The following IFIT5 variants were observed in gnomAD, a reference collection of about 807,000 sequenced individuals.
The protein encoded by IFIT5 is interferon induced protein with tetratricopeptide repeats 5, also known as interferon-induced protein with tetratricopeptide repeats 5.
Under a neutral mutation model 5.0 loss-of-function variants are expected in IFIT5, and 2 were observed. The ratio of observed to expected loss-of-function variants is 0.40; its 90% CI spans 0.16 to 1.26. IFIT5 has a LOEUF of 1.26. Ranked by LOEUF, IFIT5 falls within the 50% of genes most tolerant of loss-of-function variation. IFIT5 has a pLI of 0.33. For synonymous variants in IFIT5, 206 were observed against 204.6 expected, an observed-to-expected ratio of 1.01 and a Z score of -0.06; for missense variants, 524 against 563.2, an observed-to-expected ratio of 0.93 and a Z score of 0.70.
chr10:89,415,113 C>T (rs1470101432), intron 1 of IFIT5, among the ~76,000 whole-genome samples: 6 of 152,224 alleles, frequency 3.9e-5, no homozygotes, highest in Non-Finnish European at 8.8e-5. Context: ...TGTCCCATCC[C>T]TGGCGTCTGC....
intron 1 of IFIT5, among the ~76,000 whole-genome samples, chr10:89,415,128 G>C (rs1185756942): frequency 2.0e-5 from 3 of 152,196 alleles, no homozygotes; most frequent in Admixed American, 6.5e-5. Flanking sequence ...GTCTGCGGTC[G>C]GGACTGTCAG....
chr10:89,416,266 C>A (rs1841536935), intron 1 of IFIT5, among the ~76,000 whole-genome samples: 1 of 143,668 alleles, frequency 7.0e-6, no homozygotes, highest in African/African-American at 2.7e-5. Flanking sequence ...CAGGAAGGGG[C>A]TTGACAACAA....
chr10:89,416,144 C>T (rs893913936), intron 1 of IFIT5, among the ~76,000 whole-genome samples: 9 of 151,980 alleles, frequency 5.9e-5, no homozygotes, highest in African/African-American at 1.7e-4. Flanking sequence ...GGGCTGGTCT[C>T]GAATTCCTGA....
intron 1 of IFIT5, among the ~76,000 whole-genome samples, chr10:89,415,126 T>C (rs1010003491): frequency 1.3e-5 from 2 of 152,104 alleles, no homozygotes; most frequent in Non-Finnish European, 2.9e-5. Context: ...GCGTCTGCGG[T>C]CGGGACTGTC....
chr10:89,418,044 C>T lies in IFIT5; in HGVS notation c.845C>T (p.Ser282Phe). Residue 282 changes from serine (S) to phenylalanine (F), a missense_variant, in exon 2 of 2, where the codon TCT becomes TTT. Physicochemically the swap from Ser to Phe is radical, Grantham distance 155. Transcript: ENST00000371795. Reference sequence around the variant, plus strand: ...AAGGCCTTGGAGGTGACACCAACTTCTTCTTTCCTGCATCACCAGATGGGA... The same window carrying T: ...AAGGCCTTGGAGGTGACACCAACTTTTTCTTTCCTGCATCACCAGATGGGA... ...LKKALEVTPT[S>F]SFLHHQMGLC... 1 of 1,614,220 alleles carries T rather than the reference C, an allele frequency of 6.2e-7. No individual in the cohort carries two copies. Among genetic ancestry groups the T allele is most frequent in the South Asian group, 1.1e-5 (1 of 91,088 alleles).
rs781378982 is a variant in IFIT5, at chr10:89,418,284, G to A, written c.1085G>A (p.Arg362Gln). 143 of 1,614,056 alleles carry A rather than the reference G, an allele frequency of 8.9e-5. No homozygotes were observed. Among genetic ancestry groups the A allele is most frequent in the Non-Finnish European group, 1.1e-4 (128 of 1,180,034 alleles). ...GQYSNAEDIF[R>Q]KALRLENITD... ...TATAGCAATGCTGAGGACATTTTCC[G>A]GAAAGCTCTTCGTCTGGAGAACATA... is the stretch of plus-strand genomic sequence containing the variant. The change falls in exon 2 of 2, where the codon CGG (arginine) becomes CAG (glutamine). Residue 362 changes from arginine (R) to glutamine (Q), a missense_variant. By Grantham distance (43) the Arg-to-Gln change is conservative (BLOSUM62 1). Coordinates refer to ENST00000371795, the MANE Select transcript of IFIT5 (RefSeq NM_012420.3).
Position 89,417,794 on chromosome 10 carries a change from T to A in IFIT5, c.595T>A (p.Phe199Ile). 1 of 1,614,168 alleles carries A rather than the reference T, an allele frequency of 6.2e-7. No homozygotes were observed. The highest frequency in any genetic ancestry group is 8.5e-7 in the Non-Finnish European group (1 of 1,180,018). ...TGATAGAGAAGGGTCTGTAAAGAGC[T>A]TTTCTCTGGGGCCTTTGAGAAAGGC... is the stretch of plus-strand genomic sequence containing the variant. ...DSDREGSVKS[F>I]SLGPLRKAVT... is the part of the protein sequence containing the mutation. Residue 199 changes from phenylalanine to isoleucine, a missense_variant, in exon 2 of 2, where the codon TTT becomes ATT. Physicochemically the swap from Phe to Ile is conservative, Grantham distance 21. Coordinates refer to ENST00000371795, the MANE Select transcript of IFIT5 (RefSeq NM_012420.3).
rs760371571 is a variant in IFIT5 at position 89,418,294 on chromosome 10, TC to T, written c.1096del (p.Arg366ValfsTer5). 9.6e-5 allele frequency: 155 copies of T among 1,614,238 alleles called. 1 individual carries two copies. The South Asian group carries it at 1.3e-3, about 13-fold the overall frequency. On this transcript the variant is annotated frameshift_variant, in exon 2 of 2. Transcript: ENST00000371795. LOFTEE classifies it low-confidence loss of function (END_TRUNC). ...NAEDIFRKAL[R>X]LENITDDHKH... ...CTGAGGACATTTTCCGGAAAGCTCT[TC>T]GTCTGGAGAACATAACCGATGATCA...
In IFIT5 at chr10:89,418,624, C is replaced by G. The variant is rs768041597; in HGVS notation, c.1425C>G (p.Leu475=). 2 of 1,612,320 alleles carry G rather than the reference C, an allele frequency of 1.2e-6. No individual in the cohort carries two copies. Among genetic ancestry groups the G allele is most frequent in the Middle Eastern group, 1.7e-4 (1 of 6,054 alleles). The change falls in exon 2 of 2, where the codon CTC becomes CTG. Residue 475 remains leucine (L), a synonymous_variant. Transcript: ENST00000371795. ...DPENAEFLTA[L]CELRLSI Reference sequence around the variant, plus strand: ...AAAATGCAGAATTCCTGACTGCTCTCTGTGAGCTCCGACTTTCCATTTAAA... The same window carrying G: ...AAAATGCAGAATTCCTGACTGCTCTGTGTGAGCTCCGACTTTCCATTTAAA...
At position 89,419,766 on chromosome 10, in the gene IFIT5, C is replaced by T. The variant is rs111256581; in HGVS notation, c.*1118C>T. ...CTTGAGGGGTCGCTGCTTGAGGGCT[C>T]TTATCCCAGGGGACTTTTTAATTCG... On this transcript the variant is annotated 3_prime_UTR_variant, in exon 2 of 2. Transcript: ENST00000371795. The T allele has an allele frequency of 3.0e-4, 46 of 152,086 alleles. No individual in the cohort carries two copies. The highest frequency in any genetic ancestry group is 1.0e-3 in the African/African-American group (42 of 41,480). The allele number at this position is 152,086 out of a possible 1,614,324, so 9.4% of individuals were successfully genotyped here.
chr10:89,417,356 C>G lies in IFIT5; in HGVS notation c.157C>G (p.Leu53Val), dbSNP rs1186372716. Residue 53 changes from leucine to valine, a missense_variant, in exon 2 of 2, where the codon CTT becomes GTT. Leu to Val is a conservative substitution (Grantham distance 32). Coordinates refer to ENST00000371795, the MANE Select transcript of IFIT5 (RefSeq NM_012420.3). The stretch of plus-strand genomic sequence containing the variant: ...TCTTACCACAAAATCTAGACTTGCT[C>G]TTTATAACCTATTGGCCTATGTGAA... ...EFLTTKSRLA[L>V]YNLLAYVKHL... The G allele has an allele frequency of 1.2e-6, 2 of 1,614,144 alleles. No individual in the cohort carries two copies. The highest frequency in any genetic ancestry group is 1.7e-6 in the Non-Finnish European group (2 of 1,180,026).
rs1173818484 is a variant in IFIT5 at position 89,420,244 on chromosome 10, A to G, written c.*1596A>G. The stretch of plus-strand genomic sequence containing the variant: ...TTTACTTAATTCTGTTTTTATTATT[A>G]TTATTATTTTGTTTGATCTATTAAG... On this transcript the variant is annotated 3_prime_UTR_variant, in exon 2 of 2. Transcript: ENST00000371795. The G allele has an allele frequency of 6.6e-6, 1 of 152,054 alleles. No homozygotes were observed. The highest frequency in any genetic ancestry group is 1.5e-5 in the Non-Finnish European group (1 of 68,028). 9.4% of individuals were successfully genotyped at this position (152,054 alleles called of 1,614,324 possible).
chr10:89,418,735 T>A lies in IFIT5; in HGVS notation c.*87T>A. The A allele has an allele frequency of 7.7e-7, 1 of 1,299,842 alleles. No individual in the cohort carries two copies. Among genetic ancestry groups the A allele is most frequent in the Non-Finnish European group, 1.1e-6 (1 of 944,142 alleles). The allele number at this position is 1,299,842 out of a possible 1,614,324, so 80.5% of individuals were successfully genotyped here. A position where few individuals can be genotyped will look rare whatever the true frequency, so the allele number is the denominator to read the frequency against. ...TTTTTTTTATTATTTTAATCCCTTG[T>A]TTATTATAGAGCTAATATTTATTGA... On this transcript the variant is annotated 3_prime_UTR_variant, in exon 2 of 2. Coordinates refer to ENST00000371795, the MANE Select transcript of IFIT5 (RefSeq NM_012420.3).
Position 89,414,782 on chromosome 10 carries a change from T to C in IFIT5, c.-17T>C. The C allele has an allele frequency of 6.2e-7, 1 of 1,608,668 alleles. No individual in the cohort carries two copies. The highest frequency in any genetic ancestry group is 8.5e-7 in the Non-Finnish European group (1 of 1,178,036). On this transcript the variant is annotated 5_prime_UTR_variant, in exon 1 of 2. Coordinates refer to ENST00000371795, the MANE Select transcript of IFIT5 (RefSeq NM_012420.3). ...GAGGGACTGCGCCGCCCGGACGGCC[T>C]GCAGAGCGCTGCCATCATGAGGTAA...
Position 89,418,050 on chromosome 10 carries a change from T to C in IFIT5, c.851T>C (p.Phe284Ser). The C allele has an allele frequency of 6.2e-7, 1 of 1,614,242 alleles. No homozygotes were observed. Among genetic ancestry groups the C allele is most frequent in the East Asian group, 2.2e-5 (1 of 44,888 alleles). ...KALEVTPTSS[F>S]LHHQMGLCYR... ...TTGGAGGTGACACCAACTTCTTCTT[T>C]CCTGCATCACCAGATGGGACTTTGC... Residue 284 changes from phenylalanine (F) to serine (S), a missense_variant, in exon 2 of 2, where the codon TTC (phenylalanine) becomes TCC (serine). Phe to Ser is a radical substitution (Grantham distance 155). Transcript: ENST00000371795.
At chr10:89,414,868 T>C in intron 1 of IFIT5, 65 bp downstream of exon 1, 1 of 1,579,760 alleles carries the variant, frequency 6.3e-7, no homozygotes, top group African/African-American at 1.4e-5. Context: ...ACCGGGCTGC[T>C]TTTATTCATT....
In IFIT5 at chr10:89,418,654, T is replaced by C. The variant is rs745670236; in HGVS notation, c.*6T>C. The stretch of plus-strand genomic sequence containing the variant: ...AGCTCCGACTTTCCATTTAAATACA[T>C]ACTCTAGGAAATTAGCTCTAAGTTT... On this transcript the variant is annotated 3_prime_UTR_variant, in exon 2 of 2. Coordinates refer to ENST00000371795, the MANE Select transcript of IFIT5 (RefSeq NM_012420.3). The C allele has an allele frequency of 5.6e-6, 9 of 1,596,254 alleles. No individual in the cohort carries two copies. The South Asian group carries it at 9.0e-5, about 16-fold the overall frequency.
chr10:89,417,905 A>G lies in IFIT5; in HGVS notation c.706A>G (p.Lys236Glu), dbSNP rs760523848. ...TGTACATGCAGAAGCTGAAGGGGAAAAGTATATTGAAGAAATCCTGGACCA... is the reference window on the plus strand; with the variant it reads ...TGTACATGCAGAAGCTGAAGGGGAAGAGTATATTGAAGAAATCCTGGACCA... Reference protein sequence around the residue: ...QDVHAEAEGEKYIEEILDQIS... With the variant: ...QDVHAEAEGEEYIEEILDQIS... Residue 236 changes from lysine to glutamate, a missense_variant, in exon 2 of 2, where the codon AAG (lysine) becomes GAG (glutamate). Coordinates refer to ENST00000371795, the MANE Select transcript of IFIT5 (RefSeq NM_012420.3). The G allele has an allele frequency of 6.2e-7, 1 of 1,614,172 alleles. No individual in the cohort carries two copies. Among genetic ancestry groups the G allele is most frequent in the South Asian group, 1.1e-5 (1 of 91,080 alleles).
At position 89,417,709 on chromosome 10, in the gene IFIT5, G is replaced by A. The variant is rs1564817318; in HGVS notation, c.510G>A (p.Glu170=). The change falls in exon 2 of 2, where the codon GAG becomes GAA. Residue 170 remains glutamate (E), a synonymous_variant. Coordinates refer to ENST00000371795, the MANE Select transcript of IFIT5 (RefSeq NM_012420.3). ...KAAFEKALEV[E]PDNPEFNIGY... ...CTTTTGAGAAGGCTCTGGAAGTGGAGCCTGACAATCCAGAATTTAACATCG... is the reference window on the plus strand; with the variant it reads ...CTTTTGAGAAGGCTCTGGAAGTGGAACCTGACAATCCAGAATTTAACATCG... 6.2e-7 allele frequency: 1 copy of A among 1,614,090 alleles called. No individual in the cohort carries two copies. The highest frequency in any genetic ancestry group is 8.5e-7 in the Non-Finnish European group (1 of 1,180,038).
Sources: allele counts gnomAD v4.1 joint callset (sites outside exome capture counted in the v4.1 genomes callset), GRCh38; gene constraint gnomAD v4.1.1; transcripts MANE v1.5; gene names NCBI Gene and HGNC (gene_info 2026-07-23, HGNC 2026-07-21).